TMEM132B: variants seen among roughly 807,000 people sequenced by gnomAD.
TMEM132B encodes transmembrane protein 132B.
A neutral mutation model predicts 90.8 loss-of-function variants in TMEM132B; 18 were observed. The ratio of observed to expected loss-of-function variants is 0.20; its 90% confidence interval spans 0.14 to 0.29. The LOEUF is 0.29. Among genes scored for constraint, TMEM132B ranks in the 10% least tolerant of loss-of-function variants. The pLI is 1.00. For synonymous variants in TMEM132B, 504 were observed against 523.3 expected (o/e 0.96, Z 0.50); for missense variants, 1,096 against 1,326.8 (o/e 0.83, Z 2.70).
intron 1 of TMEM132B, among the ~76,000 whole-genome samples, chr12:125,307,951 G>GTA (rs1555238359): frequency 1.5e-5 from 2 of 130,094 alleles, no homozygotes; most frequent in Non-Finnish European, 3.1e-5. Context: ...TATATTACAA[G>GTA]TATATATATA....
At position 125,319,774 on chromosome 12, in the gene TMEM132B, G is replaced by A. The variant is rs565881824; in HGVS notation, c.68-29678G>A. Among the ~76,000 whole-genome samples, 35 of 152,302 alleles carry A rather than the reference G, an allele frequency of 2.3e-4. No individual in the cohort carries two copies. In the South Asian group the frequency reaches 7.3e-3, roughly 32 times the overall value. ...TCACACCTGTAATCCCAGCCCTGTG[G>A]GAGGCTGAGGTGGGAGGATCAGTTG... is the stretch of plus-strand genomic sequence containing the variant. On this transcript the variant is annotated intron_variant, in intron 1 of 8. Coordinates refer to ENST00000682704, the MANE Select transcript of TMEM132B (RefSeq NM_001366854.1).
At chr12:125,374,015 G>A (rs1878392173) in intron 2 of TMEM132B, among the ~76,000 whole-genome samples, 2 of 152,092 alleles carry the variant, frequency 1.3e-5, no homozygotes, top group South Asian at 2.1e-4. Context: ...GACTGGTCTC[G>A]AACTCCTGGC....
intron 3 of TMEM132B, among the ~76,000 whole-genome samples, chr12:125,443,016 T>G (rs1313739479): frequency 1.3e-5 from 2 of 152,158 alleles, no homozygotes; most frequent in African/African-American, 4.8e-5. Flanking sequence ...CATGCAGACT[T>G]TCATGTAGAA....
intron 3 of TMEM132B, among the ~76,000 whole-genome samples, chr12:125,418,080 T>C (rs1880068102): frequency 6.6e-6 from 1 of 152,178 alleles, no homozygotes. Context: ...TTCTGGCCCC[T>C]TGCCCTCAGA....
intron 4 of TMEM132B, among the ~76,000 whole-genome samples, chr12:125,527,620 C>A (rs186605969): frequency 6.9e-6 from 1 of 145,250 alleles, no homozygotes; most frequent in Non-Finnish European, 1.5e-5. Context: ...ACCCTTCCAT[C>A]TACCCATCCA....
At chr12:125,432,528 T>TATATATATATAGAG (rs1458075923) in intron 3 of TMEM132B, among the ~76,000 whole-genome samples, 6 of 39,128 alleles carry the variant, frequency 1.5e-4, no homozygotes, top group African/African-American at 7.4e-4. Flanking sequence ...TATATATATA[T>TATATATATATAGAG]AGAGAGAGAG....
rs60890535 is a variant in TMEM132B at position 125,425,987 on chromosome 12, TG to T, written c.1106+10311del. On this transcript the variant is annotated intron_variant, in intron 3 of 8. Coordinates refer to ENST00000682704, the MANE Select transcript of TMEM132B (RefSeq NM_001366854.1). ...CAAGGAGCGCAATTGCTGGATCATATGATAAGAATATGTTTAGTTTTGTAAA... is the reference window on the plus strand; with the variant it reads ...CAAGGAGCGCAATTGCTGGATCATATATAAGAATATGTTTAGTTTTGTAAA... Among the ~76,000 whole-genome samples the T allele has an allele frequency of 7.7e-3, 1,171 of 152,336 alleles. 15 individuals are homozygous for T. The highest frequency in any genetic ancestry group is 0.027 in the African/African-American group (1,116 of 41,560).
At chr12:125,580,619 A>C (rs1248516338) in intron 4 of TMEM132B, among the ~76,000 whole-genome samples, 1 of 152,186 alleles carries the variant, frequency 6.6e-6, no homozygotes, top group Non-Finnish European at 1.5e-5. Context: ...AATGGCACAA[A>C]GTTCTGTTTT....
At chr12:125,648,281 A>G (rs559309063) in intron 6 of TMEM132B, among the ~76,000 whole-genome samples, 2 of 152,056 alleles carry the variant, frequency 1.3e-5, no homozygotes, top group South Asian at 2.1e-4. Context: ...TATGTGCCAC[A>G]TTTTCTTAAT....
rs140171914 is a variant in TMEM132B, at chr12:125,244,550, C to A, written c.67+57684C>A. Among the ~76,000 whole-genome samples, 436 of 152,308 alleles carry A rather than the reference C, an allele frequency of 2.9e-3. 1 individual carries two copies. The highest frequency in any genetic ancestry group is 1.0e-2 in the African/African-American group (414 of 41,564). ...GTGTTCTCTGTTCAACACCTCCTCT[C>A]GGCCACTGTCACTGGTATACACCCA... On this transcript the variant is annotated intron_variant, in intron 1 of 8. Coordinates refer to ENST00000682704, the MANE Select transcript of TMEM132B (RefSeq NM_001366854.1).
intron 1 of TMEM132B, among the ~76,000 whole-genome samples, chr12:125,226,888 C>G (rs1461626554): frequency 6.6e-6 from 1 of 152,206 alleles, no homozygotes; most frequent in Non-Finnish European, 1.5e-5. Flanking sequence ...TGTTTAACGC[C>G]TAGCTGTGCC....
At position 125,655,769 on chromosome 12, in the gene TMEM132B, T is replaced by C. The variant is rs912185676; in HGVS notation, c.*1059T>C. Reference sequence around the variant, plus strand: ...CCTAGGCAATAGATGCAGATTACACTTTCCATTTTACCAGAACAAAAGTTT... The same window carrying C: ...CCTAGGCAATAGATGCAGATTACACCTTCCATTTTACCAGAACAAAAGTTT... On this transcript the variant is annotated 3_prime_UTR_variant, in exon 9 of 9. Transcript: ENST00000682704. The C allele has an allele frequency of 6.6e-6, 1 of 151,666 alleles. No homozygotes were observed. The highest frequency in any genetic ancestry group is 1.5e-5 in the Non-Finnish European group (1 of 67,960). 9.4% of individuals were successfully genotyped at this position (151,666 alleles called of 1,614,324 possible).
At chr12:125,603,714 C>G (rs2136925279) in intron 5 of TMEM132B, among the ~76,000 whole-genome samples, 1 of 152,250 alleles carries the variant, frequency 6.6e-6, no homozygotes, top group South Asian at 2.1e-4. Flanking sequence ...TGACAAAGAT[C>G]TAATATCCAG....
chr12:125,460,089 A>G lies in TMEM132B; in HGVS notation c.1106+44412A>G, dbSNP rs545761327. On this transcript the variant is annotated intron_variant, in intron 3 of 8. Coordinates refer to ENST00000682704, the MANE Select transcript of TMEM132B (RefSeq NM_001366854.1). This position sits in a 1 kb window ranked among gnomAD's most constrained non-coding sequence, Gnocchi z 4.4. ...CAGCAGTGTGTGAACAGACTAATATAACCCATTTTACCTGATGTGATTATT... is the reference window on the plus strand; with the variant it reads ...CAGCAGTGTGTGAACAGACTAATATGACCCATTTTACCTGATGTGATTATT... Among the ~76,000 whole-genome samples the G allele has an allele frequency of 6.6e-6, 1 of 152,176 alleles. No individual in the cohort carries two copies. The highest frequency in any genetic ancestry group is 1.5e-5 in the Non-Finnish European group (1 of 68,016).
At chr12:125,433,714 C>T (rs1200941890) in intron 3 of TMEM132B, among the ~76,000 whole-genome samples, 1 of 135,024 alleles carries the variant, frequency 7.4e-6, no homozygotes, top group African/African-American at 2.8e-5. Flanking sequence ...TGGAACCAAC[C>T]CAAATGTCCA....
At chr12:125,202,550 AC>A (rs1873085241) in intron 1 of TMEM132B, among the ~76,000 whole-genome samples, 2 of 152,152 alleles carry the variant, frequency 1.3e-5, no homozygotes, top group African/African-American at 4.8e-5. Context: ...TCCCTTGCTG[AC>A]AGTTGGCCAG....
At chr12:125,412,935 T>G (rs1222932244) in intron 2 of TMEM132B, among the ~76,000 whole-genome samples, 1 of 152,010 alleles carries the variant, frequency 6.6e-6, no homozygotes, top group Non-Finnish European at 1.5e-5. Context: ...AATGATCAAG[T>G]CAAGGCAAGG....
chr12:125,299,496 C>T (rs2136159039), intron 1 of TMEM132B, among the ~76,000 whole-genome samples: 1 of 152,328 alleles, frequency 6.6e-6, no homozygotes, highest in South Asian at 2.1e-4. Flanking sequence ...TCCAGACCGA[C>T]TCTGGGCTGA....
intron 1 of TMEM132B, among the ~76,000 whole-genome samples, chr12:125,299,965 C>T (rs1438829314): frequency 6.6e-6 from 1 of 152,220 alleles, no homozygotes; most frequent in East Asian, 1.9e-4. Context: ...AGAGCAAGAA[C>T]CCCAAGTCCT....
Sources: allele counts gnomAD v4.1 joint callset (sites outside exome capture counted in the v4.1 genomes callset), GRCh38; gene constraint gnomAD v4.1.1; non-coding constraint Gnocchi (gnomAD v3.1); transcripts MANE v1.5; gene names NCBI Gene and HGNC (gene_info 2026-07-23, HGNC 2026-07-21).